The following ATXN7 variants were observed in gnomAD, a reference collection of about 807,000 sequenced individuals.
The protein encoded by ATXN7 is ataxin-7.
A neutral mutation model predicts 70.5 loss-of-function variants in ATXN7; 12 were observed. The observed-to-expected ratio is 0.17, with a 90% CI of 0.11 to 0.28. ATXN7 has a LOEUF of 0.28. Ranked by LOEUF, ATXN7 falls within the 10% of genes least tolerant of loss-of-function variation. The pLI, the probability that ATXN7 is intolerant of heterozygous loss-of-function variation, is 1.00. For missense variants in ATXN7, 1,256 were observed against 1,131.7 expected (o/e 1.11, Z -1.58); for synonymous variants, 498 against 448.7 (o/e 1.11, Z -1.39).
At chr3:63,994,149 T>C (rs2075718094) in intron 11 of ATXN7, among the ~76,000 whole-genome samples, 1 of 152,162 alleles carries the variant, frequency 6.6e-6, no homozygotes, top group Non-Finnish European at 1.5e-5. Context: ...GCTCCACAGG[T>C]GACTGTAATG....
intron 4 of ATXN7, among the ~76,000 whole-genome samples, chr3:63,931,270 A>G (rs1704947342): frequency 6.6e-6 from 1 of 152,140 alleles, no homozygotes; most frequent in Admixed American, 6.5e-5. Context: ...TATTGTTTCT[A>G]GTGCTGATCT....
intron 4 of ATXN7, among the ~76,000 whole-genome samples, chr3:63,931,008 T>G (rs1344494735): frequency 6.6e-6 from 1 of 152,234 alleles, no homozygotes; most frequent in African/African-American, 2.4e-5. Flanking sequence ...AGAATGATGC[T>G]GTTTCAAAGA....
At chr3:63,987,916 T>A in intron 8 of ATXN7, 143 bp from the exon 9 acceptor site, 1 of 1,009,948 alleles carries the variant, frequency 9.9e-7, no homozygotes, top group Non-Finnish European at 1.4e-6. Flanking sequence ...CTCTTAAGGT[T>A]TTTAGCTTAT....
rs567545469 is a variant in ATXN7, at chr3:63,928,314, A to G, written c.394+15089A>G. The stretch of plus-strand genomic sequence containing the variant: ...AGACCCTTTCTCAAAAACAAACAAA[A>G]AAACAGCTACTTATATATAGGATTT... On this transcript the variant is annotated intron_variant, in intron 4 of 12. Coordinates refer to ENST00000674280, the MANE Select transcript of ATXN7 (RefSeq NM_001377405.1). Among the ~76,000 whole-genome samples, 107 of 152,014 alleles carry G rather than the reference A, an allele frequency of 7.0e-4. 2 individuals carry two copies. Among genetic ancestry groups the G allele is most frequent in the Admixed American group, 3.3e-3 (50 of 15,198 alleles).
chr3:63,964,136 A>G (rs1281858824), intron 5 of ATXN7, among the ~76,000 whole-genome samples: 1 of 151,982 alleles, frequency 6.6e-6, no homozygotes, highest in Non-Finnish European at 1.5e-5. Context: ...TTTGAAATAA[A>G]TTCCTCAAAC....
intron 4 of ATXN7, among the ~76,000 whole-genome samples, chr3:63,945,176 C>T (rs563228791): frequency 6.6e-6 from 1 of 152,318 alleles, no homozygotes; most frequent in African/African-American, 2.4e-5. Context: ...TCAGTCTTCA[C>T]AATAGTATTG....
intron 2 of ATXN7, among the ~76,000 whole-genome samples, chr3:63,909,429 T>G (rs1334179629): frequency 6.6e-6 from 1 of 152,148 alleles, no homozygotes; most frequent in East Asian, 1.9e-4. Flanking sequence ...CAAAAAAAAT[T>G]TATACACAGT....
At chr3:63,984,095 T>C (rs955517670) in intron 8 of ATXN7, among the ~76,000 whole-genome samples, 4 of 152,084 alleles carry the variant, frequency 2.6e-5, no homozygotes, top group African/African-American at 7.2e-5. Flanking sequence ...TTTTAAGTGG[T>C]TCTTACTTTA....
At chr3:63,920,050 G>T (rs77052397) in intron 4 of ATXN7, among the ~76,000 whole-genome samples, 3,450 of 152,024 alleles carry the variant, frequency 0.023, 115 homozygotes, top group East Asian at 0.14. Context: ...GAATTCACGG[G>T]GAAACAAATC....
At chr3:63,983,378 C>G (rs1445818907) in intron 8 of ATXN7, among the ~76,000 whole-genome samples, 1 of 152,164 alleles carries the variant, frequency 6.6e-6, no homozygotes, top group African/African-American at 2.4e-5. Flanking sequence ...GCAGAAATTT[C>G]CCTTGCGTGT....
At chr3:63,933,718 T>C (rs1300641051) in intron 4 of ATXN7, among the ~76,000 whole-genome samples, 1 of 152,236 alleles carries the variant, frequency 6.6e-6, no homozygotes, top group Non-Finnish European at 1.5e-5. Flanking sequence ...ACTGTGGTAA[T>C]GTCCCTTGTA....
intron 5 of ATXN7, among the ~76,000 whole-genome samples, chr3:63,966,502 T>C (rs2075224763): frequency 6.6e-6 from 1 of 152,218 alleles, no homozygotes; most frequent in Non-Finnish European, 1.5e-5. Flanking sequence ...GGCTCTTCCC[T>C]TGCGTTCTTC....
chr3:63,952,455 C>G lies in ATXN7; in HGVS notation c.471C>G (p.Val157=), dbSNP rs760178137. Reference sequence around the variant, plus strand: ...TGTGTAACGACTGTAATCAGGTTGTCAAACCGCAGGCATTTCAATCACATT... The same window carrying G: ...TGTGTAACGACTGTAATCAGGTTGTGAAACCGCAGGCATTTCAATCACATT... ...LVVCNDCNQV[V]KPQAFQSHYE... The change falls in exon 5 of 13, where the codon GTC becomes GTG. Residue 157 remains valine, a synonymous_variant. Coordinates refer to ENST00000674280, the MANE Select transcript of ATXN7 (RefSeq NM_001377405.1). 1 of 1,611,678 alleles carries G rather than the reference C, an allele frequency of 6.2e-7. No homozygotes were observed. Among genetic ancestry groups the G allele is most frequent in the Non-Finnish European group, 8.5e-7 (1 of 1,179,278 alleles).
chr3:63,955,805 T>C (rs2075029886), intron 5 of ATXN7, among the ~76,000 whole-genome samples: 1 of 152,204 alleles, frequency 6.6e-6, no homozygotes, highest in South Asian at 2.1e-4. Context: ...CTGATATCCA[T>C]CTGTGACTTT....
chr3:63,990,132 C>T, intron 9 of ATXN7, 44 bp from the exon 10 acceptor site: 1 of 1,589,670 alleles, frequency 6.3e-7, no homozygotes, highest in Non-Finnish European at 8.6e-7. Context: ...TGGCTGATTC[C>T]CAGGTGTGTG....
intron 11 of ATXN7, among the ~76,000 whole-genome samples, chr3:63,993,642 A>G (rs1472835048): frequency 2.0e-5 from 3 of 152,200 alleles, no homozygotes; most frequent in East Asian, 1.9e-4. Flanking sequence ...TTTATACACA[A>G]AAGAGTAATT....
chr3:63,893,863 C>G (rs1703362935), intron 1 of ATXN7, among the ~76,000 whole-genome samples: 1 of 152,138 alleles, frequency 6.6e-6, no homozygotes, highest in African/African-American at 2.4e-5. Context: ...GAGTTTCATT[C>G]TTAAATTTGC....
At chr3:63,955,686 C>T (rs1380913943) in intron 5 of ATXN7, among the ~76,000 whole-genome samples, 1 of 152,188 alleles carries the variant, frequency 6.6e-6, no homozygotes. Context: ...AATTCAGAAT[C>T]TTTCACAGTG....
chr3:63,904,853 T>C (rs936455703), intron 2 of ATXN7: 4 of 152,204 alleles, frequency 2.6e-5, no homozygotes, highest in Non-Finnish European at 4.4e-5. Context: ...CTGCCAGCAA[T>C]GTATGAGGAT....
Sources: gnomAD v4.1 joint callset for allele counts (sites outside exome capture counted in the v4.1 genomes callset) on GRCh38, gnomAD v4.1.1 for gene constraint, MANE v1.5 for transcripts, NCBI Gene and HGNC (gene_info 2026-07-23, HGNC 2026-07-21) for gene names.